Variants in ARHGEF40 observed in about 807,000 individuals in gnomAD.
ARHGEF40 encodes the protein Rho guanine nucleotide exchange factor 40.
A neutral mutation model predicts 165.9 loss-of-function variants in ARHGEF40; 98 were observed. The ratio of observed to expected loss-of-function variants is 0.59; its 90% confidence interval spans 0.50 to 0.70. The LOEUF (loss-of-function observed/expected upper bound fraction) is 0.70, where lower values mean the gene tolerates loss of function less well. Ranked by LOEUF, ARHGEF40 falls within the 30% of genes least tolerant of loss-of-function variation. ARHGEF40 has a pLI of 0.00. For synonymous variants in ARHGEF40, 792 were observed against 814.3 expected (o/e 0.97, Z 0.47); for missense variants, 1,815 against 1,968.0 (o/e 0.92, Z 1.47).
Position 21,089,092 on chromosome 14 carries a change from T to G in ARHGEF40, c.*84T>G. 1 of 507,784 alleles carries G rather than the reference T, an allele frequency of 2.0e-6. No homozygotes were observed. Among genetic ancestry groups the G allele is most frequent in the Non-Finnish European group, 3.5e-6 (1 of 287,324 alleles). 31.5% of individuals were successfully genotyped at this position (507,784 alleles called of 1,614,324 possible). On this transcript the variant is annotated 3_prime_UTR_variant, in exon 24 of 24. Coordinates refer to ENST00000298694, the MANE Select transcript of ARHGEF40 (RefSeq NM_018071.5). ...ATGGCAGTGGGGCATAATGGAGCCC[T>G]GGGCGATCGCTGAATTTCTTCCCTC...
chr14:21,066,468 T>G (rs1357835908), upstream of ARHGEF40, among the ~76,000 whole-genome samples: 1 of 152,088 alleles, frequency 6.6e-6, no homozygotes, highest in Non-Finnish European at 1.5e-5. Flanking sequence ...TACAGGCATG[T>G]GCCACCACGC....
In ARHGEF40 at chr14:21,074,923, C is replaced by A. The variant is rs755096735; in HGVS notation, c.1193C>A (p.Ala398Asp). The A allele has an allele frequency of 6.2e-7, 1 of 1,606,358 alleles. No homozygotes were observed. The highest frequency in any genetic ancestry group is 1.1e-5 in the South Asian group (1 of 90,230). The change falls in exon 3 of 24, where the codon GCC becomes GAC. Residue 398 changes from alanine to aspartate, a missense_variant. Physicochemically the swap from Ala to Asp is moderately radical, Grantham distance 126. Transcript: ENST00000298694. This position sits in a 1 kb window ranked among gnomAD's most constrained non-coding sequence, Gnocchi z 4.8. ...GCTCTTAGCCGAGGAGGGGACAGTG[C>A]CCCACTGAGCCCTGGGGACAAGGAA... is the stretch of plus-strand genomic sequence containing the variant. The part of the protein sequence containing the change: ...RGALSRGGDS[A>D]PLSPGDKEDA...
rs1886600744 is a variant in ARHGEF40 at position 21,070,317 on chromosome 14, C to T, written c.-80C>T. The T allele has an allele frequency of 7.2e-7, 1 of 1,381,386 alleles. No individual in the cohort carries two copies. The highest frequency in any genetic ancestry group is 1.5e-5 in the South Asian group (1 of 65,082). The allele number at this position is 1,381,386 out of a possible 1,614,324, so 85.6% of individuals were successfully genotyped here. On this transcript the variant is annotated 5_prime_UTR_variant, in exon 1 of 24. Coordinates refer to ENST00000298694, the MANE Select transcript of ARHGEF40 (RefSeq NM_018071.5). This position sits in a 1 kb window ranked among gnomAD's most constrained non-coding sequence, Gnocchi z 4.7. ...TGTCCCTTAGCCAGACCCGGCGAGA[C>T]ACGAGCGGCGGGAGGGAGGCGGTGG...
Position 21,082,051 on chromosome 14 carries a change from C to T in ARHGEF40, c.3183C>T (p.Gly1061=). Residue 1061 remains glycine (G), a synonymous_variant, in exon 14 of 24, where the codon GGC becomes GGT. Coordinates refer to ENST00000298694, the MANE Select transcript of ARHGEF40 (RefSeq NM_018071.5). ...CACCACGGGAACACGTGCTGCTGGG[C>T]CGGGCTAGGGGGCCAGACGGACCCT... is the stretch of plus-strand genomic sequence containing the variant. ...TCSPREHVLL[G]RARGPDGPWG... is the part of the protein sequence containing the mutation. 6.4e-7 allele frequency: 1 copy of T among 1,561,164 alleles called. No homozygotes were observed. The highest frequency in any genetic ancestry group is 8.7e-7 in the Non-Finnish European group (1 of 1,152,478).
chr14:21,088,684 T>C, intron 22 of ARHGEF40, 146 bp from the exon 23 acceptor site: 1 of 849,474 alleles, frequency 1.2e-6, no homozygotes, highest in Non-Finnish European at 1.8e-6. Flanking sequence ...CACCTGTCTC[T>C]AAAAAAATAA....
At position 21,087,486 on chromosome 14, in the gene ARHGEF40, G is replaced by C. The variant is rs564666472; in HGVS notation, c.4387+23G>C. ...TGGGTGAGGCACCTCTCAAGGGGTG[G>C]CTCCCAACAGCTCGGTCATGGTGGT... On this transcript the variant is annotated intron_variant, in intron 21 of 23. Coordinates refer to ENST00000298694, the MANE Select transcript of ARHGEF40 (RefSeq NM_018071.5). The C allele has an allele frequency of 1.8e-5, 28 of 1,597,644 alleles. No individual in the cohort carries two copies. The East Asian group carries it at 5.8e-4, about 33-fold the overall frequency.
rs1888635629 is a variant in ARHGEF40, at chr14:21,089,215, G to C, written c.*207G>C. 1 of 264,058 alleles carries C rather than the reference G, an allele frequency of 3.8e-6. No individual in the cohort carries two copies. Among genetic ancestry groups the C allele is most frequent in the Non-Finnish European group, 7.2e-6 (1 of 139,002 alleles). The allele number at this position is 264,058 out of a possible 1,614,324, so 16.4% of individuals were successfully genotyped here. The stretch of plus-strand genomic sequence containing the variant: ...TTGGTGCCTTCTCCTGCAGGAGTCA[G>C]AGCAGCCACATTGCTTGCCTTCATA... On this transcript the variant is annotated 3_prime_UTR_variant, in exon 24 of 24. Transcript: ENST00000298694.
chr14:21,061,689 A>AC, the ARHGEF40 span, among the ~76,000 whole-genome samples: 5 of 152,232 alleles, frequency 3.3e-5, no homozygotes, highest in African/African-American at 1.2e-4. Context: ...CATCCAGAAA[A>AC]TTTAGAATTA....
At position 21,088,016 on chromosome 14, in the gene ARHGEF40, A is replaced by G. The variant is rs1888494595; in HGVS notation, c.4436A>G (p.Asn1479Ser). 1 of 1,614,084 alleles carries G rather than the reference A, an allele frequency of 6.2e-7. No homozygotes were observed. Among genetic ancestry groups the G allele is most frequent in the Non-Finnish European group, 8.5e-7 (1 of 1,180,006 alleles). ...SSGDVSPGPR[N>S]SPSLQPPHPG... ...GGAGATGTGTCCCCAGGACCAAGAA[A>G]CAGCCCCAGCCTGCAACCCCCCCAC... is the stretch of plus-strand genomic sequence containing the variant. The change falls in exon 22 of 24, where the codon AAC becomes AGC. Residue 1479 changes from asparagine to serine, a missense_variant. Coordinates refer to ENST00000298694, the MANE Select transcript of ARHGEF40 (RefSeq NM_018071.5).
chr14:21,062,946 T>G, the ARHGEF40 span, among the ~76,000 whole-genome samples: 1 of 117,848 alleles, frequency 8.5e-6, no homozygotes, highest in Non-Finnish European at 1.7e-5. Context: ...AGACCTTGTC[T>G]CTAAAAAAAA....
Position 21,077,015 on chromosome 14 carries a change from C to A in ARHGEF40, c.2034+125C>A. 29 of 687,062 alleles carry A rather than the reference C, an allele frequency of 4.2e-5. No homozygotes were observed. The South Asian group carries it at 4.9e-4, about 12-fold the overall frequency. 42.6% of individuals were successfully genotyped at this position (687,062 alleles called of 1,614,324 possible). A position where few individuals can be genotyped will look rare whatever the true frequency, so the allele number is the denominator to read the frequency against. On this transcript the variant is annotated intron_variant, in intron 8 of 23. Coordinates refer to ENST00000298694, the MANE Select transcript of ARHGEF40 (RefSeq NM_018071.5). ...GCAAAAAAGTGGTTTCCATTCCATT[C>A]AATTCAACAAGTATTTATGGCTCCC...
chr14:21,075,886 C>A lies in ARHGEF40; in HGVS notation c.1739+121C>A. 7.6e-7 allele frequency: 1 copy of A among 1,316,402 alleles called. No individual in the cohort carries two copies. The highest frequency in any genetic ancestry group is 1.0e-6 in the Non-Finnish European group (1 of 973,348). 81.5% of individuals were successfully genotyped at this position (1,316,402 alleles called of 1,614,324 possible). A position where few individuals can be genotyped will look rare whatever the true frequency, so the allele number is the denominator to read the frequency against. ...TAAGGACACCTACTTCTTCAACCTT[C>A]AGACTTCAAGCCATTGACCTTTGGC... On this transcript the variant is annotated intron_variant, in intron 5 of 23. Transcript: ENST00000298694. The surrounding 1 kb of genome is among the most constrained non-coding windows in gnomAD (Gnocchi z 4.5).
rs1888215633 is a variant in ARHGEF40, at chr14:21,084,858, CTG to C, written c.3897_3898del (p.Phe1300GlnfsTer7). ...TGTCTTTCTCTTCGAGCATCTCCTCCTGTTCAGCAAGCTCAAGGGCCCTGAAG... is the reference window on the plus strand; with the variant it reads ...TGTCTTTCTCTTCGAGCATCTCCTCCTTCAGCAAGCTCAAGGGCCCTGAAG... ...RHVFLFEHLLLFSKLKGPEGG... is the reference protein window; with the variant it reads ...RHVFLFEHLLXFSKLKGPEGG... On this transcript the variant is annotated frameshift_variant, in exon 18 of 24. Transcript: ENST00000298694. LOFTEE classifies it high-confidence loss of function. 6.2e-7 allele frequency: 1 copy of C among 1,614,206 alleles called. No homozygotes were observed. Among genetic ancestry groups the C allele is most frequent in the Non-Finnish European group, 8.5e-7 (1 of 1,180,036 alleles).
chr14:21,078,901 C>A lies in ARHGEF40; in HGVS notation c.2264C>A (p.Pro755Gln). The A allele has an allele frequency of 6.2e-7, 1 of 1,613,910 alleles. No individual in the cohort carries two copies. The highest frequency in any genetic ancestry group is 8.5e-7 in the Non-Finnish European group (1 of 1,179,768). The part of the protein sequence containing the change: ...TPSSKLEGQG[P>Q]ATLYQEVDEA... ...TTCCCAAGGCTGGAGGGCCAAGGCC[C>A]AGCTACACTGTATCAGGAAGTGGAC... is the stretch of plus-strand genomic sequence containing the variant. Residue 755 changes from proline to glutamine, a missense_variant, in exon 11 of 24, where the codon CCA (proline) becomes CAA (glutamine). Pro to Gln is a moderately conservative substitution (Grantham distance 76). Transcript: ENST00000298694.
intron 10 of ARHGEF40, 106 bp from the exon 11 acceptor site, chr14:21,078,778 A>G (rs1370375605): frequency 1.3e-6 from 2 of 1,486,442 alleles, no homozygotes; most frequent in East Asian, 2.3e-5. Context: ...CTTTTGATCC[A>G]TGCTGCTATG....
intron 22 of ARHGEF40, 27 bp from the exon 23 acceptor site, chr14:21,088,803 A>AG: frequency 6.5e-7 from 1 of 1,527,820 alleles, no homozygotes; most frequent in Non-Finnish European, 8.8e-7. Context: ...TATGTCCCTA[A>AG]ATTCACTGTA....
rs1281686860 is a variant in ARHGEF40 at position 21,074,334 on chromosome 14, C to A, written c.604C>A (p.Pro202Thr). ...LMVGHQPSTL[P>T]PELPSGPPGL... ...GGTTGGACATCAGCCAAGTACACTGCCCCCAGAACTGCCCTCTGGACCTCC... is the reference window on the plus strand; with the variant it reads ...GGTTGGACATCAGCCAAGTACACTGACCCCAGAACTGCCCTCTGGACCTCC... Residue 202 changes from proline to threonine, a missense_variant, in exon 3 of 24, where the codon CCC becomes ACC. Transcript: ENST00000298694. The surrounding 1 kb of genome is among the most constrained non-coding windows in gnomAD (Gnocchi z 4.8). The A allele has an allele frequency of 3.5e-5, 56 of 1,614,038 alleles. No individual in the cohort carries two copies. Among genetic ancestry groups the A allele is most frequent in the Non-Finnish European group, 4.7e-5 (56 of 1,180,040 alleles).
the ARHGEF40 span, among the ~76,000 whole-genome samples, chr14:21,064,128 A>C: frequency 6.6e-6 from 1 of 152,220 alleles, no homozygotes; most frequent in Non-Finnish European, 1.5e-5. Context: ...CATTTGACCC[A>C]ATAATTCCAT....
chr14:21,064,058 C>T, the ARHGEF40 span, among the ~76,000 whole-genome samples: 1 of 152,296 alleles, frequency 6.6e-6, no homozygotes, highest in Non-Finnish European at 1.5e-5. Flanking sequence ...TGTTTCATGA[C>T]CCCTGCCCTC....
Sources: gnomAD v4.1 joint callset for allele counts (sites outside exome capture counted in the v4.1 genomes callset) on GRCh38, gnomAD v4.1.1 for gene constraint, Gnocchi (gnomAD v3.1) non-coding constraint, MANE v1.5 for transcripts, NCBI Gene and HGNC (gene_info 2026-07-23, HGNC 2026-07-21) for gene names.